The following DAB1 variants were observed in gnomAD, a reference collection of about 807,000 sequenced individuals.
DAB1 encodes the protein DAB adaptor protein 1.
Under a neutral mutation model 64.6 loss-of-function variants are expected in DAB1, and 15 were observed. That is an observed-to-expected ratio of 0.23 (90% CI 0.16 to 0.36). The LOEUF (loss-of-function observed/expected upper bound fraction) is 0.36, where lower values mean the gene tolerates loss of function less well. Ranked by LOEUF, DAB1 falls within the 10% of genes least tolerant of loss-of-function variation. The pLI is 1.00. For missense variants in DAB1, 596 were observed against 706.7 expected (o/e 0.84, Z 1.78); for synonymous variants, 235 against 251.9 (o/e 0.93, Z 0.64).
intron 5 of DAB1, among the ~76,000 whole-genome samples, chr1:57,890,428 T>C (rs1240449705): frequency 6.6e-6 from 1 of 151,812 alleles, no homozygotes; most frequent in Non-Finnish European, 1.5e-5. Context: ...CTTCTCTTTT[T>C]TTGCTTTGCT....
intron 4 of DAB1, among the ~76,000 whole-genome samples, chr1:57,106,962 AGGT>A (rs772394237): frequency 3.9e-5 from 6 of 152,202 alleles, no homozygotes; most frequent in Non-Finnish European, 8.8e-5. Flanking sequence ...ATCTACAGAT[AGGT>A]GGTCAGGTTA....
intron 2 of DAB1, among the ~76,000 whole-genome samples, chr1:58,507,622 T>C (rs1221178902): frequency 6.6e-6 from 1 of 152,030 alleles, no homozygotes; most frequent in Non-Finnish European, 1.5e-5. Flanking sequence ...GATAAATGTA[T>C]ATAACAAACA....
At chr1:57,473,550 C>T (rs1343579040) in intron 7 of DAB1, among the ~76,000 whole-genome samples, 1 of 152,304 alleles carries the variant, frequency 6.6e-6, no homozygotes, top group Non-Finnish European at 1.5e-5. Context: ...TCTAGGGGAT[C>T]GACTTAAGGC....
intron 7 of DAB1, among the ~76,000 whole-genome samples, chr1:57,548,072 G>A (rs1418094894): frequency 1.3e-5 from 2 of 152,086 alleles, no homozygotes; most frequent in Admixed American, 1.3e-4. Flanking sequence ...TATTATCTGT[G>A]TCTATAATAG....
intron 4 of DAB1, among the ~76,000 whole-genome samples, chr1:58,232,380 A>G (rs189940252): frequency 3.3e-5 from 5 of 152,220 alleles, no homozygotes; most frequent in Admixed American, 1.3e-4. Flanking sequence ...GACAAAGTAC[A>G]CATCTCAGAG....
At chr1:57,447,913 A>AT (rs1306555826) in intron 7 of DAB1, among the ~76,000 whole-genome samples, 6 of 152,188 alleles carry the variant, frequency 3.9e-5, no homozygotes, top group African/African-American at 1.4e-4. Flanking sequence ...GAATGAAGCA[A>AT]TGATGGCAGG....
At chr1:57,572,928 T>G (rs1645209414) in intron 7 of DAB1, among the ~76,000 whole-genome samples, 2 of 152,076 alleles carry the variant, frequency 1.3e-5, no homozygotes, top group Admixed American at 1.3e-4. Flanking sequence ...AAGGACTCAC[T>G]ATCTTGAAGA....
In DAB1 at chr1:57,143,043, T is replaced by A. The variant is rs368713322; in HGVS notation, c.207+2247A>T. Among the ~76,000 whole-genome samples the A allele has an allele frequency of 4.6e-5, 7 of 152,292 alleles. No individual in the cohort carries two copies. In the East Asian group the frequency reaches 1.4e-3, roughly 29 times the overall value. ...GCTTGGGATGGAAGGTATGGCTCTA[T>A]CTAATTGGAGAGTTTGAAGCAGCAG... On this transcript the variant is annotated intron_variant, in intron 3 of 14. Transcript: ENST00000371236.
intron 1 of DAB1, among the ~76,000 whole-genome samples, chr1:57,334,427 C>T (rs1676920986): frequency 6.6e-6 from 1 of 152,218 alleles, no homozygotes; most frequent in Non-Finnish European, 1.5e-5. Context: ...TAGTAACTCT[C>T]CCCTCACAAG....
intron 8 of DAB1, among the ~76,000 whole-genome samples, chr1:57,066,588 G>A (rs575009414): frequency 1.3e-5 from 2 of 152,260 alleles, no homozygotes; most frequent in South Asian, 2.1e-4. Flanking sequence ...AGTGAAGCAC[G>A]CTTGAGGATT....
intron 3 of DAB1, among the ~76,000 whole-genome samples, chr1:58,418,639 C>T: frequency 6.6e-6 from 1 of 152,016 alleles, no homozygotes; most frequent in Middle Eastern, 3.2e-3. Context: ...AACTGAGAGG[C>T]AACAAAAAAT....
At chr1:57,788,446 T>C (rs1650439127) in intron 6 of DAB1, among the ~76,000 whole-genome samples, 1 of 152,222 alleles carries the variant, frequency 6.6e-6, no homozygotes, top group South Asian at 2.1e-4. Flanking sequence ...TGCTGTGTGA[T>C]GACATTTATA....
chr1:57,290,285 C>T (rs1672666206), intron 2 of DAB1, among the ~76,000 whole-genome samples: 1 of 152,098 alleles, frequency 6.6e-6, no homozygotes, highest in South Asian at 2.1e-4. Context: ...AAAAGGATTT[C>T]GGGCTGGATT....
chr1:58,214,469 G>A (rs1012756561), intron 4 of DAB1, among the ~76,000 whole-genome samples: 3 of 152,210 alleles, frequency 2.0e-5, no homozygotes, highest in Admixed American at 6.5e-5. Flanking sequence ...CATACCAGGA[G>A]AGTGTGGCAG....
chr1:57,367,733 C>T (rs1265792980), intron 1 of DAB1, among the ~76,000 whole-genome samples: 1 of 152,144 alleles, frequency 6.6e-6, no homozygotes, highest in Admixed American at 6.5e-5. Flanking sequence ...GAGCACTGTC[C>T]CTTCTGAGTT....
intron 6 of DAB1, among the ~76,000 whole-genome samples, chr1:57,753,026 C>T (rs1379844868): frequency 6.6e-6 from 1 of 152,136 alleles, no homozygotes; most frequent in Non-Finnish European, 1.5e-5. Context: ...CTGTGTTCCC[C>T]GGGGCTGGAA....
At chr1:57,223,265 A>G (rs1447299624) in intron 2 of DAB1, among the ~76,000 whole-genome samples, 6 of 152,224 alleles carry the variant, frequency 3.9e-5, no homozygotes, top group Admixed American at 3.9e-4. Context: ...ATCATTCAGG[A>G]AAGTGGAGCT....
chr1:57,842,615 G>A (rs948752108), intron 1 of DAB1, among the ~76,000 whole-genome samples: 4 of 152,180 alleles, frequency 2.6e-5, no homozygotes, highest in Non-Finnish European at 5.9e-5. Flanking sequence ...GCAAAGGTAA[G>A]GCAAGAACCT....
At chr1:58,220,262 A>G (rs558337460) in intron 4 of DAB1, among the ~76,000 whole-genome samples, 1 of 152,328 alleles carries the variant, frequency 6.6e-6, no homozygotes, top group East Asian at 1.9e-4. Flanking sequence ...GCTTCATATT[A>G]GAATCAACTG....
Sources: allele counts gnomAD v4.1 joint callset (sites outside exome capture counted in the v4.1 genomes callset), GRCh38; gene constraint gnomAD v4.1.1; transcripts MANE v1.5; gene names NCBI Gene and HGNC (gene_info 2026-07-23, HGNC 2026-07-21).